The following CCSAP variants were observed in gnomAD, a reference collection of about 807,000 sequenced individuals.
The protein encoded by CCSAP is centriole, cilia and spindle associated protein, also known as centriole, cilia and spindle-associated protein.
In CCSAP, 17 loss-of-function variants were observed where a neutral mutation model predicts 25.9. That is an observed-to-expected ratio of 0.66 (90% confidence interval 0.45 to 0.99). The LOEUF is 0.99. Ranked by LOEUF, CCSAP falls within the 50% of genes least tolerant of loss-of-function variation. CCSAP has a pLI of 0.00. For missense variants in CCSAP, 339 were observed against 367.8 expected, an observed-to-expected ratio of 0.92 and a Z score of 0.64; for synonymous variants, 169 against 157.1, an observed-to-expected ratio of 1.08 and a Z score of -0.57.
chr1:229,332,733 TA>T (rs1365712539), intron 2 of CCSAP, among the ~76,000 whole-genome samples: 1 of 152,158 alleles, frequency 6.6e-6, no homozygotes, highest in Admixed American at 6.5e-5. Context: ...TAATTAAAAG[TA>T]AATAAAATTA....
intron 2 of CCSAP, among the ~76,000 whole-genome samples, chr1:229,328,629 G>T (rs1202009674): frequency 6.6e-6 from 1 of 152,166 alleles, no homozygotes; most frequent in East Asian, 1.9e-4. Flanking sequence ...TTTATAGATT[G>T]CTATTACAAT....
At position 229,326,901 on chromosome 1, in the gene CCSAP, A is replaced by G; in HGVS notation, c.473T>C (p.Leu158Ser). 6.2e-7 allele frequency: 1 copy of G among 1,614,166 alleles called. No homozygotes were observed. The highest frequency in any genetic ancestry group is 8.5e-7 in the Non-Finnish European group (1 of 1,180,026). Residue 158 changes from leucine (L) to serine (S), a missense_variant, in exon 3 of 4, where the codon TTA becomes TCA. Leu to Ser is a moderately radical substitution (Grantham distance 145). Transcript: ENST00000284617. ...CGCTTTCCTGTTTCCTCTAGCAAAT[A>G]AGGCACTTGGTTGCTGTCGAGGCTC... ...STEPRQQPSA[L>S]FARGNRKAVK...
intron 2 of CCSAP, among the ~76,000 whole-genome samples, chr1:229,331,831 T>TATTA (rs71173714): frequency 6.8e-6 from 1 of 147,174 alleles, no homozygotes; most frequent in Admixed American, 6.8e-5. Context: ...TTATTATTAT[T>TATTA]TTGAGACAGA....
chr1:229,333,432 A>G (rs971688974), intron 2 of CCSAP, among the ~76,000 whole-genome samples: 3 of 60,658 alleles, frequency 4.9e-5, no homozygotes, highest in East Asian at 9.7e-4. Context: ...GACTCCATCG[A>G]AAAAAAAAAA....
At chr1:229,330,955 G>A (rs1361539362) in intron 2 of CCSAP, among the ~76,000 whole-genome samples, 9 of 152,116 alleles carry the variant, frequency 5.9e-5, no homozygotes, top group Non-Finnish European at 1.2e-4. Context: ...GAGGGGAGGT[G>A]TGGGGTGGGG....
intron 2 of CCSAP, chr1:229,340,511 G>A: frequency 1.4e-6 from 1 of 707,154 alleles, no homozygotes; most frequent in Admixed American, 2.1e-5. Context: ...AGATCGGGGA[G>A]AGAAAAGCCA....
At chr1:229,340,441 G>A in intron 2 of CCSAP, 2 of 716,064 alleles carry the variant, frequency 2.8e-6, no homozygotes, top group East Asian at 2.7e-5. Context: ...TCACAACGCT[G>A]CCTAAAAATT....
rs368125854 is a variant in CCSAP, at chr1:229,342,353, C to T, written c.113G>A (p.Arg38Gln). Residue 38 changes from arginine (R) to glutamine (Q), a missense_variant, in exon 2 of 4, where the codon CGG becomes CAG. Arg to Gln is a conservative substitution (Grantham distance 43, BLOSUM62 1). Transcript: ENST00000284617. The surrounding 1 kb of genome is among the most constrained non-coding windows in gnomAD (Gnocchi z 7.5). ...GGGCGCGTGCGCCTGCTCCAGCAGCCGGCGGCCTAGGCGGTAGTGCAGCAG... is the reference window on the plus strand; with the variant it reads ...GGGCGCGTGCGCCTGCTCCAGCAGCTGGCGGCCTAGGCGGTAGTGCAGCAG... ...RELLHYRLGR[R>Q]LLEQAHAPWL... 2.0e-6 allele frequency: 3 copies of T among 1,508,338 alleles called. No homozygotes were observed. The highest frequency in any genetic ancestry group is 1.2e-5 in the South Asian group (1 of 80,082). The allele number at this position is 1,508,338 out of a possible 1,614,324, so 93.4% of individuals were successfully genotyped here.
chr1:229,339,841 A>G (rs1244931594), intron 2 of CCSAP, among the ~76,000 whole-genome samples: 2 of 152,208 alleles, frequency 1.3e-5, no homozygotes, highest in African/African-American at 4.8e-5. Flanking sequence ...ACTAATTATG[A>G]ATCCAACAAA....
chr1:229,331,267 G>A (rs147345711), intron 2 of CCSAP, among the ~76,000 whole-genome samples: 3 of 152,140 alleles, frequency 2.0e-5, no homozygotes, highest in African/African-American at 7.2e-5. Context: ...AGAAGCAAAA[G>A]GCCTGAAATC....
At chr1:229,336,768 A>G (rs541311159) in intron 2 of CCSAP, among the ~76,000 whole-genome samples, 14 of 152,230 alleles carry the variant, frequency 9.2e-5, no homozygotes, top group Non-Finnish European at 1.9e-4. Context: ...CTCTGAAAAG[A>G]TATTTCTGGC....
chr1:229,332,500 G>A (rs1474129750), intron 2 of CCSAP, among the ~76,000 whole-genome samples: 1 of 152,204 alleles, frequency 6.6e-6, no homozygotes, highest in Non-Finnish European at 1.5e-5. Flanking sequence ...CAAACAATAA[G>A]TGTATGTTTC....
At position 229,335,785 on chromosome 1, in the gene CCSAP, A is replaced by G. The variant is rs146354803; in HGVS notation, c.367+6314T>C. Among the ~76,000 whole-genome samples the G allele has an allele frequency of 1.7e-3, 261 of 152,270 alleles. 2 individuals carry two copies. Among genetic ancestry groups the G allele is most frequent in the African/African-American group, 6.1e-3 (253 of 41,554 alleles). On this transcript the variant is annotated intron_variant, in intron 2 of 3. Coordinates refer to ENST00000284617, the MANE Select transcript of CCSAP (RefSeq NM_145257.5). ...AGCCTTCCAGTACAGGCTGCAGACAAGGTATCTCACTGCCCAGGGCCAACT... is the reference window on the plus strand; with the variant it reads ...AGCCTTCCAGTACAGGCTGCAGACAGGGTATCTCACTGCCCAGGGCCAACT...
intron 2 of CCSAP, among the ~76,000 whole-genome samples, chr1:229,332,229 G>A (rs749521841): frequency 2.0e-5 from 3 of 152,238 alleles, no homozygotes; most frequent in African/African-American, 4.8e-5. Flanking sequence ...AAACCTAAAC[G>A]GGGATAATGG....
chr1:229,340,478 A>G, intron 2 of CCSAP: 1 of 713,642 alleles, frequency 1.4e-6, no homozygotes, highest in Non-Finnish European at 2.6e-6. Context: ...CAAATATTTG[A>G]CAACTCCATC....
At chr1:229,337,331 C>T (rs1360142952) in intron 2 of CCSAP, among the ~76,000 whole-genome samples, 1 of 152,048 alleles carries the variant, frequency 6.6e-6, no homozygotes, top group Non-Finnish European at 1.5e-5. Flanking sequence ...TCCTTCTCAA[C>T]ACTATGACCT....
rs1289254187 is a variant in CCSAP, at chr1:229,323,930, A to G, written c.*1305T>C. The G allele has an allele frequency of 2.0e-5, 3 of 152,468 alleles. No individual in the cohort carries two copies. Among genetic ancestry groups the G allele is most frequent in the Non-Finnish European group, 4.4e-5 (3 of 68,050 alleles). 9.4% of individuals were successfully genotyped at this position (152,468 alleles called of 1,614,324 possible). On this transcript the variant is annotated 3_prime_UTR_variant, in exon 4 of 4. Transcript: ENST00000284617. The stretch of plus-strand genomic sequence containing the variant: ...CACCATTATCTCTTATAAGGAACTT[A>G]GCACATATCCTTCTAGCAGATTCTT...
intron 2 of CCSAP, chr1:229,340,644 A>C (rs1658309579): frequency 4.4e-6 from 2 of 452,386 alleles, no homozygotes; most frequent in East Asian, 6.8e-5. Flanking sequence ...TGATCACTGA[A>C]GCATCAGGAT....
chr1:229,330,833 T>TCAA (rs566026052), intron 2 of CCSAP, among the ~76,000 whole-genome samples: 1 of 118,216 alleles, frequency 8.5e-6, no homozygotes, highest in Non-Finnish European at 1.8e-5. Flanking sequence ...CAACTCCATC[T>TCAA]AAAAAAAAAA....
Sources: allele counts gnomAD v4.1 joint callset (sites outside exome capture counted in the v4.1 genomes callset), GRCh38; gene constraint gnomAD v4.1.1; non-coding constraint Gnocchi (gnomAD v3.1); transcripts MANE v1.5; gene names NCBI Gene and HGNC (gene_info 2026-07-23, HGNC 2026-07-21).